The following ITPR2 variants were observed in gnomAD, a reference collection of about 807,000 sequenced individuals.
ITPR2 encodes inositol 1,4,5-trisphosphate receptor type 2, also known as inositol 1,4,5-trisphosphate-gated calcium channel ITPR2.
Under a neutral mutation model 317.1 loss-of-function variants are expected in ITPR2, and 207 were observed. That is an observed-to-expected ratio of 0.65 (90% CI 0.58 to 0.73). The LOEUF (loss-of-function observed/expected upper bound fraction) is 0.73, where lower values mean the gene tolerates loss of function less well. Ranked by LOEUF, ITPR2 falls within the 30% of genes least tolerant of loss-of-function variation. The pLI, the probability that ITPR2 is intolerant of heterozygous loss-of-function variation, is 0.00. For missense variants in ITPR2, 2,613 were observed against 3,284.0 expected, an observed-to-expected ratio of 0.80 and a Z score of 4.99; for synonymous variants, 1,156 against 1,149.1, an observed-to-expected ratio of 1.01 and a Z score of -0.12.
At chr12:26,525,011 A>G (rs1328323934) in intron 37 of ITPR2, among the ~76,000 whole-genome samples, 2 of 152,234 alleles carry the variant, frequency 1.3e-5, no homozygotes, top group Non-Finnish European at 2.9e-5. Context: ...ACTAAACCTG[A>G]GAAACACTGA....
intron 36 of ITPR2, among the ~76,000 whole-genome samples, chr12:26,554,392 T>C (rs1405149344): frequency 6.6e-6 from 1 of 152,212 alleles, no homozygotes; most frequent in Non-Finnish European, 1.5e-5. Flanking sequence ...GGCACCCTAG[T>C]TCTCGACAAG....
At chr12:26,399,172 C>T (rs1332364083) in intron 53 of ITPR2, 131 bp from the exon 54 acceptor site, 3 of 621,256 alleles carry the variant, frequency 4.8e-6, no homozygotes, top group Non-Finnish European at 7.4e-6. Flanking sequence ...AAATAAGGCT[C>T]ACTTTCCATC....
chr12:26,630,447 A>T (rs10466806), intron 22 of ITPR2, among the ~76,000 whole-genome samples: 26,237 of 120,984 alleles, frequency 0.22, 2,338 homozygotes, highest in African/African-American at 0.26. Flanking sequence ...GATGGGGGGG[A>T]AAAAAAAAAA....
intron 36 of ITPR2, among the ~76,000 whole-genome samples, chr12:26,553,514 T>C (rs1057320120): frequency 6.6e-6 from 1 of 150,706 alleles, no homozygotes; most frequent in Non-Finnish European, 1.5e-5. Flanking sequence ...CAGCCAGGCA[T>C]GGTAGCTCAC....
chr12:26,668,627 T>C (rs567087437), intron 13 of ITPR2, among the ~76,000 whole-genome samples: 2 of 152,316 alleles, frequency 1.3e-5, no homozygotes, highest in East Asian at 3.9e-4. Context: ...TTGAGGAAGA[T>C]AGCCACCATA....
chr12:26,358,677 A>G (rs1449606090), intron 55 of ITPR2, among the ~76,000 whole-genome samples: 1 of 152,166 alleles, frequency 6.6e-6, no homozygotes, highest in African/African-American at 2.4e-5. Flanking sequence ...CAGAACAAAA[A>G]AAAAAGGCAC....
intron 55 of ITPR2, among the ~76,000 whole-genome samples, chr12:26,377,459 G>C (rs1939379559): frequency 6.6e-6 from 1 of 152,174 alleles, no homozygotes; most frequent in Non-Finnish European, 1.5e-5. Flanking sequence ...AGGCATTTTA[G>C]ATCACACCTC....
At chr12:26,702,647 C>A (rs1321353827) in intron 9 of ITPR2, among the ~76,000 whole-genome samples, 1 of 151,974 alleles carries the variant, frequency 6.6e-6, no homozygotes, top group African/African-American at 2.4e-5. Flanking sequence ...ACCATATTGG[C>A]CAGGCTAGTC....
rs1419185414 is a variant in ITPR2, at chr12:26,556,499, A to G, written c.4822-124T>C. On this transcript the variant is annotated intron_variant, in intron 35 of 56. Coordinates refer to ENST00000381340, the MANE Select transcript of ITPR2 (RefSeq NM_002223.4). The stretch of plus-strand genomic sequence containing the variant: ...GATGCCCCTCTATTTCCATAGCAGC[A>G]AATGTCTGTGCCATAATTATAGTCT... 3.4e-6 allele frequency: 3 copies of G among 883,722 alleles called. No individual in the cohort carries two copies. The East Asian group carries it at 8.0e-5, about 24-fold the overall frequency. The allele number at this position is 883,722 out of a possible 1,614,324, so 54.7% of individuals were successfully genotyped here.
At chr12:26,554,679 T>G (rs1041639027) in intron 36 of ITPR2, among the ~76,000 whole-genome samples, 1 of 152,224 alleles carries the variant, frequency 6.6e-6, no homozygotes, top group Non-Finnish European at 1.5e-5. Flanking sequence ...TTACTGAATT[T>G]AACAGGTTTA....
intron 37 of ITPR2, among the ~76,000 whole-genome samples, chr12:26,543,112 A>C (rs1473860339): frequency 6.6e-6 from 1 of 152,146 alleles, no homozygotes; most frequent in Admixed American, 6.5e-5. Context: ...AAGATGCGGG[A>C]AATTGACCCC....
chr12:26,757,207 T>C (rs986436429), intron 2 of ITPR2, among the ~76,000 whole-genome samples: 2 of 150,358 alleles, frequency 1.3e-5, no homozygotes, highest in Non-Finnish European at 3.0e-5. Context: ...CATTCTTCTA[T>C]TCCTTTACTT....
intron 11 of ITPR2, among the ~76,000 whole-genome samples, chr12:26,683,802 G>A (rs1366445831): frequency 2.0e-5 from 3 of 152,098 alleles, no homozygotes; most frequent in Admixed American, 6.6e-5. Flanking sequence ...AAGTATTACC[G>A]TTTTTAGTAA....
chr12:26,391,416 T>TTAC (rs374535047), intron 54 of ITPR2, among the ~76,000 whole-genome samples: 6 of 152,238 alleles, frequency 3.9e-5, no homozygotes, highest in Non-Finnish European at 8.8e-5. Context: ...GGAATGTCAG[T>TTAC]TACTCTGGTG....
At chr12:26,695,296 G>A (rs1045722957) in intron 10 of ITPR2, among the ~76,000 whole-genome samples, 4 of 152,086 alleles carry the variant, frequency 2.6e-5, no homozygotes, top group African/African-American at 9.7e-5. Flanking sequence ...TCACCATGAA[G>A]CTTTCTTCTT....
chr12:26,399,244 T>C (rs1940095268), intron 53 of ITPR2, among the ~76,000 whole-genome samples: 1 of 152,252 alleles, frequency 6.6e-6, no homozygotes, highest in Non-Finnish European at 1.5e-5. Flanking sequence ...TACATTTCTC[T>C]AGGACTGACA....
intron 2 of ITPR2, among the ~76,000 whole-genome samples, chr12:26,759,819 C>T (rs1949597786): frequency 6.6e-6 from 1 of 152,116 alleles, no homozygotes; most frequent in South Asian, 2.1e-4. Flanking sequence ...ACTAAAAAAA[C>T]TAACAGCAAT....
chr12:26,378,628 A>G (rs1939414820), intron 55 of ITPR2, among the ~76,000 whole-genome samples: 1 of 152,148 alleles, frequency 6.6e-6, no homozygotes, highest in Non-Finnish European at 1.5e-5. Context: ...CTGGTGAATA[A>G]AGCTGTCCTT....
In ITPR2 at chr12:26,420,069, A is replaced by C. The variant is rs1376273056; in HGVS notation, c.6946-856T>G. Among the ~76,000 whole-genome samples, 6 of 152,158 alleles carry C rather than the reference A, an allele frequency of 3.9e-5. No individual in the cohort carries two copies. The East Asian group carries it at 1.2e-3, about 29-fold the overall frequency. The stretch of plus-strand genomic sequence containing the variant: ...CATTTCATACTGCCTTTTGTGGCAT[A>C]ATTTTGGAATGTAGAAATTTATACT... On this transcript the variant is annotated intron_variant, in intron 49 of 56. Transcript: ENST00000381340.
Sources: allele counts gnomAD v4.1 joint callset (sites outside exome capture counted in the v4.1 genomes callset), GRCh38; gene constraint gnomAD v4.1.1; transcripts MANE v1.5; gene names NCBI Gene and HGNC (gene_info 2026-07-23, HGNC 2026-07-21).